The following LIG1 variants were observed in gnomAD, a reference collection of about 807,000 sequenced individuals.
The protein encoded by LIG1 is ligase I, DNA, ATP-dependent.
LIG1 carries 70 observed loss-of-function variants against 115.7 expected under a neutral mutation model. The observed-to-expected ratio is 0.60, with a 90% CI of 0.50 to 0.74. LIG1 has a LOEUF of 0.74. LIG1 is among the 30% of genes least tolerant of loss of function. LIG1 has a pLI of 0.00. For missense variants in LIG1, 1,115 were observed against 1,225.6 expected (o/e 0.91, Z 1.35); for synonymous variants, 487 against 495.3 (o/e 0.98, Z 0.22).
intron 4 of LIG1, 80 bp from the exon 5 acceptor site, chr19:48,157,220 T>G: frequency 2.0e-5 from 28 of 1,373,744 alleles, no homozygotes; most frequent in East Asian, 2.5e-5. Context: ...TAGAGGGGAC[T>G]GAAACCTCTC....
Position 48,123,167 on chromosome 19 carries a change from C to T in LIG1, c.2149+7G>A, listed in dbSNP as rs752760338. ...AGACCTCAGGAGAGAAAAGTGAGCA[C>T]CCTCACCTTTCACTGACTGCTCCAG... On this transcript the variant is annotated splice_region_variant and intron_variant, in intron 22 of 27. Transcript: ENST00000263274. The T allele has an allele frequency of 1.8e-5, 29 of 1,613,878 alleles. No individual in the cohort carries two copies. The highest frequency in any genetic ancestry group is 2.2e-5 in the Non-Finnish European group (26 of 1,180,004).
rs773567172 is a variant in LIG1, at chr19:48,153,963, C to A, written c.375G>T (p.Arg125=). 8 of 1,613,868 alleles carry A rather than the reference C, an allele frequency of 5.0e-6. No homozygotes were observed. The South Asian group carries it at 7.7e-5, about 16-fold the overall frequency. ...GAATGGTCCGTTTCGGGAGCTGCTT[C>A]CGAGCTGGGGAGGCAAAGGGCTTGG... ...PSGIPKRRTA[R]KQLPKRTIQE... Residue 125 remains arginine (R), a synonymous_variant, in exon 6 of 28, where the codon CGG becomes CGT. Transcript: ENST00000263274.
chr19:48,144,794 G>C (rs973226097), intron 9 of LIG1, among the ~76,000 whole-genome samples: 1 of 152,078 alleles, frequency 6.6e-6, no homozygotes, highest in Non-Finnish European at 1.5e-5. Flanking sequence ...GTGAGCCACC[G>C]TGCCTGGCCA....
chr19:48,130,891 ATG>A (rs2033974967), intron 19 of LIG1, among the ~76,000 whole-genome samples, 183 bp downstream of exon 19: 1 of 152,112 alleles, frequency 6.6e-6, no homozygotes, highest in Non-Finnish European at 1.5e-5. Context: ...CCACCTCTAG[ATG>A]TGAGAAAAAA....
intron 4 of LIG1, among the ~76,000 whole-genome samples, chr19:48,160,714 T>C (rs765996930): frequency 4.0e-5 from 6 of 151,870 alleles, no homozygotes; most frequent in African/African-American, 9.7e-5. Context: ...AGGCTAGATA[T>C]ACTTTTGAAC....
rs1268184254 is a variant in LIG1, at chr19:48,117,672, G to A, written c.2549C>T (p.Ser850Phe). 1.2e-5 allele frequency: 19 copies of A among 1,612,782 alleles called. No individual in the cohort carries two copies. The highest frequency in any genetic ancestry group is 1.7e-5 in the Admixed American group (1 of 59,852). ...AVWEVKCADL[S>F]LSPIYPAARG... ...CGCAGCAGGGTAGATGGGAGAGAGGGAGAGGTCAGCGCACTTCACCTCCCA... is the reference window on the plus strand; with the variant it reads ...CGCAGCAGGGTAGATGGGAGAGAGGAAGAGGTCAGCGCACTTCACCTCCCA... Residue 850 changes from serine (S) to phenylalanine (F), a missense_variant, in exon 26 of 28, where the codon TCC becomes TTC. Coordinates refer to ENST00000263274, the MANE Select transcript of LIG1 (RefSeq NM_000234.3).
At chr19:48,148,474 CAAAA>C (rs55722968) in intron 9 of LIG1, among the ~76,000 whole-genome samples, 13 of 97,324 alleles carry the variant, frequency 1.3e-4, no homozygotes, top group Admixed American at 2.3e-4. Context: ...GATTCCATCT[CAAAA>C]AAAAAAAAAA....
chr19:48,133,790 C>T (rs904624413), intron 17 of LIG1, among the ~76,000 whole-genome samples, 191 bp downstream of exon 17: 1 of 152,132 alleles, frequency 6.6e-6, no homozygotes, highest in Non-Finnish European at 1.5e-5. Context: ...TCACCTACAC[C>T]CTATCTACTC....
chr19:48,115,717 G>A lies in LIG1; in HGVS notation c.2692C>T (p.Arg898Trp), dbSNP rs201890024. The stretch of plus-strand genomic sequence containing the variant: ...TGGTTCTGAATCTGACTTTGCTTCC[G>A]GTACAAACAGGCCACCTGCGGAGAG... ...TTSAQVACLY[R>W]KQSQIQNQQG... The change falls in exon 28 of 28, where the codon CGG becomes TGG. Residue 898 changes from arginine to tryptophan, a missense_variant. By Grantham distance (101) the Arg-to-Trp change is moderately radical (BLOSUM62 -3). Transcript: ENST00000263274. 1.3e-5 allele frequency: 21 copies of A among 1,613,872 alleles called. No homozygotes were observed. The highest frequency in any genetic ancestry group is 8.3e-5 in the Admixed American group (5 of 59,988).
chr19:48,154,088 G>T, intron 5 of LIG1, 121 bp from the exon 6 acceptor site: 1 of 811,100 alleles, frequency 1.2e-6, no homozygotes, highest in Non-Finnish European at 2.2e-6. Flanking sequence ...TTCTCTGCCT[G>T]CACACAGTCA....
intron 23 of LIG1, among the ~76,000 whole-genome samples, chr19:48,121,856 G>C (rs892945152): frequency 6.6e-6 from 1 of 152,132 alleles, no homozygotes; most frequent in Non-Finnish European, 1.5e-5. Flanking sequence ...GGGATCGATG[G>C]GACCTCAGGA....
rs561137392 is a variant in LIG1 at position 48,142,442 on chromosome 19, C to CAA, written c.914+1099_914+1100dup. 1.2e-4 allele frequency among the ~76,000 whole-genome samples: 9 copies of CAA among 75,606 alleles called. 1 individual carries two copies. In the East Asian group the frequency reaches 3.2e-3, roughly 27 times the overall value. The allele number at this position is 75,606 out of a possible 152,430, so 49.6% of individuals were successfully genotyped here. A position where few individuals can be genotyped will look rare whatever the true frequency, so the allele number is the denominator to read the frequency against. The stretch of plus-strand genomic sequence containing the variant: ...TGGGCAACAGAGCAAGACTCCATCT[C>CAA]AAAAAAAAAAAAAAACAGAGTGCTG... On this transcript the variant is annotated intron_variant, in intron 11 of 27. Coordinates refer to ENST00000263274, the MANE Select transcript of LIG1 (RefSeq NM_000234.3).
At chr19:48,154,059 G>T in intron 5 of LIG1, 92 bp from the exon 6 acceptor site, 1 of 1,062,782 alleles carries the variant, frequency 9.4e-7, no homozygotes, top group Non-Finnish European at 1.5e-6. Context: ...GCCTCTGGAA[G>T]GCTCTGGGCC....
intron 21 of LIG1, chr19:48,123,602 T>C: frequency 2.0e-6 from 1 of 499,338 alleles, no homozygotes; most frequent in South Asian, 2.2e-5. Context: ...TTTACGGGCA[T>C]CTCATCAGTT....
In LIG1 at chr19:48,153,869, C is replaced by T. The variant is rs1201786292; in HGVS notation, c.466+3G>A. 1 of 1,565,944 alleles carries T rather than the reference C, an allele frequency of 6.4e-7. No homozygotes were observed. The highest frequency in any genetic ancestry group is 2.4e-5 in the East Asian group (1 of 41,630). ...ACACACTTCTCTCCTTCTGGGGGCT[C>T]ACCTTCCTCCTCCTTCTTCCTCTTG... On this transcript the variant is annotated splice_donor_region_variant and intron_variant, in intron 6 of 27. Transcript: ENST00000263274.
At position 48,137,627 on chromosome 19, in the gene LIG1, G is replaced by A. The variant is rs376714591; in HGVS notation, c.1149C>T (p.Ala383=). The A allele has an allele frequency of 2.2e-5, 36 of 1,611,360 alleles. No individual in the cohort carries two copies. The East Asian group carries it at 5.6e-4, about 25-fold the overall frequency. ...GCCTCTGGGTGCTGCGGCTGTTCTC[G>A]GCCACCAGCCCCACGTCGCCTTTCT... The part of the protein sequence containing the change: ...AAEKGDVGLV[A]ENSRSTQRLM... The change falls in exon 13 of 28, where the codon GCC becomes GCT. Residue 383 remains alanine (A), a synonymous_variant. Coordinates refer to ENST00000263274, the MANE Select transcript of LIG1 (RefSeq NM_000234.3). The surrounding 1 kb of genome is among the most constrained non-coding windows in gnomAD (Gnocchi z 4.3).
intron 6 of LIG1, among the ~76,000 whole-genome samples, chr19:48,152,980 T>C (rs1249454433): frequency 2.0e-5 from 3 of 152,166 alleles, no homozygotes; most frequent in Non-Finnish European, 2.9e-5. Context: ...GCAGATCATG[T>C]GAGCTCAGGA....
At chr19:48,151,741 A>G (rs1398744789) in intron 6 of LIG1, among the ~76,000 whole-genome samples, 1 of 152,166 alleles carries the variant, frequency 6.6e-6, no homozygotes, top group Non-Finnish European at 1.5e-5. Context: ...GTGCCTGTAA[A>G]GCAGTGGGCC....
rs1463420067 is a variant in LIG1, at chr19:48,170,241, CTTGCG to C, written c.-63_-59del. 2 of 455,444 alleles carry C rather than the reference CTTGCG, an allele frequency of 4.4e-6. No individual in the cohort carries two copies. The highest frequency in any genetic ancestry group is 4.0e-5 in the African/African-American group (2 of 49,964). The allele number at this position is 455,444 out of a possible 1,614,324, so 28.2% of individuals were successfully genotyped here. ...TCTGCTTGCGGACGGCCCCACTTGCCTTGCGTTGGTCCCGCGCGCCGCTGCCCGGG... is the reference window on the plus strand; with the variant it reads ...TCTGCTTGCGGACGGCCCCACTTGCCTTGGTCCCGCGCGCCGCTGCCCGGG... On this transcript the variant is annotated splice_region_variant and 5_prime_UTR_variant, in exon 1 of 28. The change creates a premature stop within an existing upstream ORF in the 5' untranslated region. Coordinates refer to ENST00000263274, the MANE Select transcript of LIG1 (RefSeq NM_000234.3).
Sources: allele counts gnomAD v4.1 joint callset (sites outside exome capture counted in the v4.1 genomes callset), GRCh38; gene constraint gnomAD v4.1.1; non-coding constraint Gnocchi (gnomAD v3.1); transcripts MANE v1.5; gene names NCBI Gene and HGNC (gene_info 2026-07-23, HGNC 2026-07-21).